Variants in ZNF644 observed in about 807,000 individuals in gnomAD.
ZNF644 encodes the protein zinc finger protein 644, also known as zinc finger motif enhancer binding protein 2.
In ZNF644, 20 loss-of-function variants were observed where a neutral mutation model predicts 108.0. The observed-to-expected ratio is 0.19, with a 90% CI of 0.13 to 0.27. The LOEUF is 0.27. ZNF644 is among the 10% of genes least tolerant of loss of function. The pLI, the probability that ZNF644 is intolerant of heterozygous loss-of-function variation, is 1.00. For missense variants in ZNF644, 1,338 were observed against 1,548.9 expected (o/e 0.86, Z 2.29); for synonymous variants, 542 against 539.1 (o/e 1.01, Z -0.08).
At chr1:90,989,839 A>C (rs145999916) in intron 1 of ZNF644, among the ~76,000 whole-genome samples, 1 of 152,218 alleles carries the variant, frequency 6.6e-6, no homozygotes, top group Non-Finnish European at 1.5e-5. Flanking sequence ...AATCCAAAGC[A>C]GAATCTCAAA....
intron 1 of ZNF644, among the ~76,000 whole-genome samples, chr1:90,983,440 A>G (rs577312828): frequency 6.7e-6 from 1 of 149,236 alleles, no homozygotes; most frequent in South Asian, 2.1e-4. Flanking sequence ...AAAGACTTCC[A>G]CACCCTGATC....
Position 90,916,608 on chromosome 1 carries a change from T to C in ZNF644, c.*190A>G. On this transcript the variant is annotated 3_prime_UTR_variant, in exon 6 of 6. Transcript: ENST00000337393. The stretch of plus-strand genomic sequence containing the variant: ...CTTCATAAACCTTAAAAACACATCT[T>C]CCACCCTATATAAAATATATAGACT... 3.1e-6 allele frequency: 2 copies of C among 637,304 alleles called. No homozygotes were observed. Among genetic ancestry groups the C allele is most frequent in the South Asian group, 2.0e-5 (1 of 50,556 alleles). The allele number at this position is 637,304 out of a possible 1,614,324, so 39.5% of individuals were successfully genotyped here. A position where few individuals can be genotyped will look rare whatever the true frequency, so the allele number is the denominator to read the frequency against.
At position 90,968,060 on chromosome 1, in the gene ZNF644, C is replaced by CAAA. The variant is rs763728133; in HGVS notation, c.44+14247_44+14249dup. 4.3e-3 allele frequency among the ~76,000 whole-genome samples: 286 copies of CAAA among 66,570 alleles called. 9 individuals carry two copies. Among genetic ancestry groups the CAAA allele is most frequent in the East Asian group, 0.033 (66 of 1,992 alleles). 43.7% of individuals were successfully genotyped at this position (66,570 alleles called of 152,430 possible). The stretch of plus-strand genomic sequence containing the variant: ...TGGGTGACAGAGTGAGACTCCGTCT[C>CAAA]AAAAAAAAAAAAAAAAAAAAAAATC... On this transcript the variant is annotated intron_variant, in intron 2 of 5. Transcript: ENST00000337393.
At chr1:90,928,861 A>G (rs1650388787) in intron 4 of ZNF644, among the ~76,000 whole-genome samples, 1 of 152,012 alleles carries the variant, frequency 6.6e-6, no homozygotes, top group East Asian at 1.9e-4. Context: ...CTAAAACTCT[A>G]CTGCATCCTT....
At chr1:91,008,369 G>T (rs1238667374) in intron 1 of ZNF644, among the ~76,000 whole-genome samples, 1 of 152,132 alleles carries the variant, frequency 6.6e-6, no homozygotes, top group Non-Finnish European at 1.5e-5. Flanking sequence ...TATAGCACCA[G>T]TTCTAGACTA....
chr1:90,941,180 C>T lies in ZNF644; in HGVS notation c.174G>A (p.Lys58=). 1 of 1,612,440 alleles carries T rather than the reference C, an allele frequency of 6.2e-7. No homozygotes were observed. The highest frequency in any genetic ancestry group is 8.5e-7 in the Non-Finnish European group (1 of 1,179,376). Reference sequence around the variant, plus strand: ...GAAATGATGTTTGACAATCTTTTGGCTTATGAACTCCGCTCTCTTTGTCTG... The same window carrying T: ...GAAATGATGTTTGACAATCTTTTGGTTTATGAACTCCGCTCTCTTTGTCTG... ...FISDKESGVH[K]PKDCQTSFQK... is the part of the protein sequence containing the mutation. The change falls in exon 3 of 6, where the codon AAG becomes AAA. Residue 58 remains lysine, a synonymous_variant. Transcript: ENST00000337393.
intron 2 of ZNF644, chr1:90,973,197 G>C (rs1655672161): frequency 1.3e-5 from 2 of 151,954 alleles, no homozygotes; most frequent in Non-Finnish European, 2.9e-5. Flanking sequence ...ATATGTCTGG[G>C]TTTGCTCCAG....
rs373818980 is a variant in ZNF644, at chr1:91,005,153, G to A, written c.-18+16837C>T. ...TAAAAGATAAAAAAAGTTATACCAT[G>A]CAGAAAGTAACCAAAAGAGAGTTGA... is the stretch of plus-strand genomic sequence containing the variant. On this transcript the variant is annotated intron_variant, in intron 1 of 5. Transcript: ENST00000337393. 4.6e-5 allele frequency among the ~76,000 whole-genome samples: 7 copies of A among 152,174 alleles called. No homozygotes were observed. In the South Asian group the frequency reaches 1.5e-3, roughly 32 times the overall value.
chr1:90,954,552 T>A (rs575257886), intron 2 of ZNF644, among the ~76,000 whole-genome samples: 1 of 152,064 alleles, frequency 6.6e-6, no homozygotes, highest in Non-Finnish European at 1.5e-5. Context: ...GATTACAGGC[T>A]TGCACAACCA....
rs1456079623 is a variant in ZNF644, at chr1:90,916,549, T to A, written c.*249A>T. On this transcript the variant is annotated 3_prime_UTR_variant, in exon 6 of 6. Transcript: ENST00000337393. ...ATTAATGGCTGCTTACATGTACTGC[T>A]CTTTTACTGAGTGAACACAGTTAAC... The A allele has an allele frequency of 2.0e-6, 1 of 503,640 alleles. No homozygotes were observed. Among genetic ancestry groups the A allele is most frequent in the African/African-American group, 1.9e-5 (1 of 51,830 alleles). The allele number at this position is 503,640 out of a possible 1,614,324, so 31.2% of individuals were successfully genotyped here.
intron 2 of ZNF644, among the ~76,000 whole-genome samples, chr1:90,949,739 T>C (rs954810889): frequency 2.6e-5 from 4 of 152,238 alleles, no homozygotes; most frequent in Admixed American, 2.6e-4. Context: ...ACAGATTATA[T>C]GCAAATACAA....
chr1:90,956,559 T>C (rs538435919), intron 2 of ZNF644, among the ~76,000 whole-genome samples: 1 of 151,948 alleles, frequency 6.6e-6, no homozygotes, highest in Non-Finnish European at 1.5e-5. Context: ...TAGAGGAAAA[T>C]TTACAGCTGT....
chr1:90,978,077 T>G (rs1202870128), intron 2 of ZNF644, among the ~76,000 whole-genome samples: 1 of 152,134 alleles, frequency 6.6e-6, no homozygotes, highest in Non-Finnish European at 1.5e-5. Context: ...TGTGGCCAGG[T>G]GCAGTGGCTC....
At chr1:90,965,709 T>C (rs898986465) in intron 2 of ZNF644, among the ~76,000 whole-genome samples, 9 of 152,188 alleles carry the variant, frequency 5.9e-5, no homozygotes, top group Non-Finnish European at 1.3e-4. Context: ...AGTCATATAG[T>C]TCATATCCAA....
At chr1:90,944,973 T>C (rs1206306379) in intron 2 of ZNF644, among the ~76,000 whole-genome samples, 2 of 152,148 alleles carry the variant, frequency 1.3e-5, no homozygotes, top group Admixed American at 6.5e-5. Flanking sequence ...ACATTCATGT[T>C]GGGTTATGTG....
intron 2 of ZNF644, among the ~76,000 whole-genome samples, chr1:90,967,943 C>A (rs1037078919): frequency 6.7e-6 from 1 of 150,338 alleles, no homozygotes; most frequent in African/African-American, 2.4e-5. Flanking sequence ...CACCTGTAAT[C>A]CCTGCTACTC....
chr1:90,948,648 T>G (rs1652759413), intron 2 of ZNF644, among the ~76,000 whole-genome samples: 1 of 152,210 alleles, frequency 6.6e-6, no homozygotes, highest in Non-Finnish European at 1.5e-5. Flanking sequence ...TGGGTGCGGA[T>G]GCAGAACCCA....
In ZNF644 at chr1:90,939,926, C is replaced by T; in HGVS notation, c.1428G>A (p.Lys476=). The T allele has an allele frequency of 1.9e-6, 3 of 1,614,076 alleles. No homozygotes were observed. The highest frequency in any genetic ancestry group is 1.3e-5 in the African/African-American group (1 of 75,038). ...HMIIHQERRQ[K]LMEEIRELKE... ...TCAATTCACGAATTTCCTCCATCAA[C>T]TTCTGTCTTCTCTCCTGGTGAATAA... Residue 476 remains lysine, a synonymous_variant, in exon 3 of 6, where the codon AAG becomes AAA. Coordinates refer to ENST00000337393, the MANE Select transcript of ZNF644 (RefSeq NM_201269.3).
intron 1 of ZNF644, among the ~76,000 whole-genome samples, chr1:91,003,535 G>A (rs1009310765): frequency 6.6e-5 from 10 of 152,070 alleles, no homozygotes; most frequent in Admixed American, 5.2e-4. Flanking sequence ...CTGTCGTGGG[G>A]TGGGGGCCTG....
Sources: allele counts gnomAD v4.1 joint callset (sites outside exome capture counted in the v4.1 genomes callset), GRCh38; gene constraint gnomAD v4.1.1; transcripts MANE v1.5; gene names NCBI Gene and HGNC (gene_info 2026-07-23, HGNC 2026-07-21).